The following C5orf15 variants were observed in gnomAD, a reference collection of about 807,000 sequenced individuals.
C5orf15 encodes the protein chromosome 5 open reading frame 15, also known as keratinocyte-associated transmembrane protein 2.
A neutral mutation model predicts 17.8 loss-of-function variants in C5orf15; 10 were observed. That is an observed-to-expected ratio of 0.56 (90% confidence interval 0.35 to 0.95). The LOEUF is 0.95. Among genes scored for constraint, C5orf15 ranks in the 40% least tolerant of loss-of-function variants. The pLI is 0.02. For missense variants in C5orf15, 319 were observed against 331.7 expected, an observed-to-expected ratio of 0.96 and a Z score of 0.30; for synonymous variants, 124 against 131.0, an observed-to-expected ratio of 0.95 and a Z score of 0.36.
rs926682486 is a variant in C5orf15, at chr5:133,959,785, C to T, written c.375G>A (p.Glu125=). The T allele has an allele frequency of 6.2e-7, 1 of 1,614,010 alleles. No individual in the cohort carries two copies. Among genetic ancestry groups the T allele is most frequent in the Non-Finnish European group, 8.5e-7 (1 of 1,179,998 alleles). The change falls in exon 2 of 3, where the codon GAG becomes GAA. Residue 125 remains glutamate (E), a synonymous_variant. Transcript: ENST00000231512. ...TGTTCAGCATGAGAAGATCCTCCTC[C>T]TCTATACTAGGATCTTCATTGTTAT... ...EADNNEDPSI[E]EEDLLMLNSS... is the part of the protein sequence containing the mutation.
Position 133,961,232 on chromosome 5 carries a change from T to TAAAAA in C5orf15, c.140-1217_140-1213dup, listed in dbSNP as rs56684565. Among the ~76,000 whole-genome samples the TAAAAA allele has an allele frequency of 7.9e-3, 241 of 30,436 alleles. 44 individuals carry two copies. Among genetic ancestry groups the TAAAAA allele is most frequent in the Non-Finnish European group, 9.7e-3 (170 of 17,452 alleles). The allele number at this position is 30,436 out of a possible 152,430, so 20.0% of individuals were successfully genotyped here. A position where few individuals can be genotyped will look rare whatever the true frequency, so the allele number is the denominator to read the frequency against. On this transcript the variant is annotated intron_variant, in intron 1 of 2. Coordinates refer to ENST00000231512, the MANE Select transcript of C5orf15 (RefSeq NM_020199.3). ...TCAGAAAAATAATGTAGTCAGTTAG[T>TAAAAA]AAAAAAAAAAAAAAAAAAAAAAAAA... is the stretch of plus-strand genomic sequence containing the variant.
intron 1 of C5orf15, among the ~76,000 whole-genome samples, chr5:133,963,391 A>C (rs1580699379): frequency 6.6e-6 from 1 of 152,298 alleles, no homozygotes. Context: ...ATTCACATTA[A>C]TATGTTCAAA....
chr5:133,963,691 C>T (rs1752152607), intron 1 of C5orf15, among the ~76,000 whole-genome samples: 1 of 151,374 alleles, frequency 6.6e-6, no homozygotes, highest in African/African-American at 2.4e-5. Context: ...GACCTAAATA[C>T]ATCAATTAAA....
At chr5:133,958,838 AT>A (rs1434448510) in intron 2 of C5orf15, among the ~76,000 whole-genome samples, 1 of 152,132 alleles carries the variant, frequency 6.6e-6, no homozygotes, top group African/African-American at 2.4e-5. Flanking sequence ...CAAATATTAA[AT>A]TAACATTTTC....
At chr5:133,966,574 G>T (rs545594109) in intron 1 of C5orf15, among the ~76,000 whole-genome samples, 1 of 152,294 alleles carries the variant, frequency 6.6e-6, no homozygotes, top group East Asian at 1.9e-4. Context: ...ATATAACCAA[G>T]CATTGACAGT....
chr5:133,965,528 T>A (rs535290772), intron 1 of C5orf15, among the ~76,000 whole-genome samples: 1 of 152,266 alleles, frequency 6.6e-6, no homozygotes. Flanking sequence ...CAACTCTGAC[T>A]TTACGGATTT....
rs1752046039 is a variant in C5orf15, at chr5:133,956,677, A to G, written c.*182T>C. Reference sequence around the variant, plus strand: ...ACATTTTGGACACCTGATTAAACTCAGCTCTAAAAGTACAGATAAAAAATT... The same window carrying G: ...ACATTTTGGACACCTGATTAAACTCGGCTCTAAAAGTACAGATAAAAAATT... On this transcript the variant is annotated 3_prime_UTR_variant, in exon 3 of 3. Coordinates refer to ENST00000231512, the MANE Select transcript of C5orf15 (RefSeq NM_020199.3). 2.2e-6 allele frequency: 1 copy of G among 445,398 alleles called. No homozygotes were observed. 27.6% of individuals were successfully genotyped at this position (445,398 alleles called of 1,614,324 possible).
chr5:133,956,016 T>C lies in C5orf15; in HGVS notation c.*843A>G, dbSNP rs1173748984. 6.6e-6 allele frequency: 1 copy of C among 152,420 alleles called. No homozygotes were observed. The highest frequency in any genetic ancestry group is 1.5e-5 in the Non-Finnish European group (1 of 68,042). 9.4% of individuals were successfully genotyped at this position (152,420 alleles called of 1,614,324 possible). On this transcript the variant is annotated 3_prime_UTR_variant, in exon 3 of 3. Transcript: ENST00000231512. ...CCTAGGTACAGTATTATTTAAGTGA[T>C]AATGACCCCTAAGATTTATTCAAAT...
chr5:133,965,150 A>T (rs879372596), intron 1 of C5orf15, among the ~76,000 whole-genome samples: 5 of 152,124 alleles, frequency 3.3e-5, no homozygotes, highest in Non-Finnish European at 7.4e-5. Flanking sequence ...CACTCAATAA[A>T]TATTTATTGA....
chr5:133,956,959 C>A lies in C5orf15; in HGVS notation c.698G>T (p.Arg233Leu). 1.2e-6 allele frequency: 2 copies of A among 1,610,534 alleles called. No individual in the cohort carries two copies. The highest frequency in any genetic ancestry group is 2.2e-5 in the East Asian group (1 of 44,712). ...IFLLVQSRKW[R>L]DGLCSKTVEY... Reference sequence around the variant, plus strand: ...CACTGTTTTGGAACAAAGGCCATCACGCCATTTCCTGCTTTGAACCAGAAG... The same window carrying A: ...CACTGTTTTGGAACAAAGGCCATCAAGCCATTTCCTGCTTTGAACCAGAAG... The change falls in exon 3 of 3, where the codon CGT (arginine) becomes CTT (leucine). Residue 233 changes from arginine (R) to leucine (L), a missense_variant. Arg to Leu is a moderately radical substitution (Grantham distance 102). Around this residue, in one of 3 missense-constraint regions of C5orf15, gnomAD observed 175 missense variants for 192.4 expected, o/e 0.91. Coordinates refer to ENST00000231512, the MANE Select transcript of C5orf15 (RefSeq NM_020199.3).
At chr5:133,966,864 G>A (rs1020180498) in intron 1 of C5orf15, among the ~76,000 whole-genome samples, 3 of 152,256 alleles carry the variant, frequency 2.0e-5, no homozygotes, top group African/African-American at 7.2e-5. Context: ...TTTTAAACTG[G>A]TGTATGTAAA....
chr5:133,967,410 T>C (rs1433187357), intron 1 of C5orf15: 1 of 152,240 alleles, frequency 6.6e-6, no homozygotes, highest in Non-Finnish European at 1.5e-5. Context: ...TCACACTGTT[T>C]TGCAGCTGAA....
At position 133,963,655 on chromosome 5, in the gene C5orf15, A is replaced by G. The variant is rs111970545; in HGVS notation, c.140-3635T>C. ...AAAAATGGCAGACTTCAGCTCTAAC[A>G]TATCCATAGTGCAGTAAATGTAAAT... On this transcript the variant is annotated intron_variant, in intron 1 of 2. Transcript: ENST00000231512. Among the ~76,000 whole-genome samples, 513 of 152,350 alleles carry G rather than the reference A, an allele frequency of 3.4e-3. 2 individuals are homozygous for G. Among genetic ancestry groups the G allele is most frequent in the African/African-American group, 0.011 (468 of 41,580 alleles).
In C5orf15 at chr5:133,960,012, G is replaced by A. The variant is rs779782454; in HGVS notation, c.148C>T (p.Arg50Trp). Residue 50 changes from arginine (R) to tryptophan (W), a missense_variant, in exon 2 of 3, where the codon CGG becomes TGG. This residue lies in a region of C5orf15 where 127 missense variants were observed against 95.6 expected (regional missense o/e 1.33). Coordinates refer to ENST00000231512, the MANE Select transcript of C5orf15 (RefSeq NM_020199.3). The part of the protein sequence containing the change: ...VSAALSSVVS[R>W]TDSPSPTVLN... ...ACGGTTGGGCTCGGTGAATCAGTCC[G>A]TGATACAACTGAAACAAACAAAGAA... 83 of 1,595,210 alleles carry A rather than the reference G, an allele frequency of 5.2e-5. No homozygotes were observed. Among genetic ancestry groups the A allele is most frequent in the South Asian group, 6.7e-5 (6 of 89,524 alleles).
At chr5:133,967,098 T>G (rs1159530370) in intron 1 of C5orf15, among the ~76,000 whole-genome samples, 1 of 152,234 alleles carries the variant, frequency 6.6e-6, no homozygotes, top group Non-Finnish European at 1.5e-5. Context: ...GAAATATAAA[T>G]GTTTGTGTTT....
Position 133,959,578 on chromosome 5 carries a change from C to T in C5orf15, c.582G>A (p.Glu194=). 1 of 1,608,262 alleles carries T rather than the reference C, an allele frequency of 6.2e-7. No homozygotes were observed. Among genetic ancestry groups the T allele is most frequent in the Admixed American group, 1.7e-5 (1 of 58,660 alleles). Residue 194 remains glutamate, a synonymous_variant, in exon 2 of 3, where the codon GAG becomes GAA. Transcript: ENST00000231512. ...SFKMPSSNIE[E]EDSHFFFHLI... is the part of the protein sequence containing the mutation. Reference sequence around the variant, plus strand: ...GATGAAAAAAGAAATGGCTGTCTTCCTCTTCTATATTTGAGGATGGCATCT... The same window carrying T: ...GATGAAAAAAGAAATGGCTGTCTTCTTCTTCTATATTTGAGGATGGCATCT...
At chr5:133,968,406 C>G (rs1752227398) in intron 1 of C5orf15, 40 bp downstream of exon 1, 1 of 1,591,556 alleles carries the variant, frequency 6.3e-7, no homozygotes, top group African/African-American at 1.3e-5. Context: ...CGCCCGAGCC[C>G]TCCTAGCCTT....
chr5:133,956,258 A>T lies in C5orf15; in HGVS notation c.*601T>A, dbSNP rs1334656777. Reference sequence around the variant, plus strand: ...TAACATTTTATCTATGTCCACTGCAAGCTGCAGAGTCTCTGTTGCCAAGAT... The same window carrying T: ...TAACATTTTATCTATGTCCACTGCATGCTGCAGAGTCTCTGTTGCCAAGAT... On this transcript the variant is annotated 3_prime_UTR_variant, in exon 3 of 3. Transcript: ENST00000231512. 6.6e-6 allele frequency: 1 copy of T among 152,658 alleles called. No individual in the cohort carries two copies. The allele number at this position is 152,658 out of a possible 1,614,324, so 9.5% of individuals were successfully genotyped here. A position where few individuals can be genotyped will look rare whatever the true frequency, so the allele number is the denominator to read the frequency against.
intron 1 of C5orf15, among the ~76,000 whole-genome samples, chr5:133,963,794 GC>G (rs35991193): frequency 0.21 from 31,738 of 152,080 alleles, 3,893 homozygotes; most frequent in Non-Finnish European, 0.27. Flanking sequence ...TGTCACTTAG[GC>G]TGGAGTGCTG....
Sources: allele counts gnomAD v4.1 joint callset (sites outside exome capture counted in the v4.1 genomes callset), GRCh38; gene constraint gnomAD v4.1.1; regional missense constraint gnomAD v4.1.1; transcripts MANE v1.5; gene names NCBI Gene and HGNC (gene_info 2026-07-23, HGNC 2026-07-21).